The following FANCM variants were observed in gnomAD, a reference collection of about 807,000 sequenced individuals.
The protein encoded by FANCM is Fanconi anemia group M protein.
In FANCM, 140 loss-of-function variants were observed where a neutral mutation model predicts 199.5. The ratio of observed to expected loss-of-function variants is 0.70; its 90% confidence interval spans 0.61 to 0.81. The LOEUF (loss-of-function observed/expected upper bound fraction) is 0.81, where lower values mean the gene tolerates loss of function less well. Ranked by LOEUF, FANCM falls within the 30% of genes least tolerant of loss-of-function variation. The pLI is 0.00. For missense variants in FANCM, 2,410 were observed against 2,421.4 expected, an observed-to-expected ratio of 1.00 and a Z score of 0.10; for synonymous variants, 840 against 836.8, an observed-to-expected ratio of 1.00 and a Z score of -0.07.
intron 4 of FANCM, among the ~76,000 whole-genome samples, chr14:45,151,121 T>C (rs975846080): frequency 6.6e-6 from 1 of 152,124 alleles, no homozygotes; most frequent in Non-Finnish European, 1.5e-5. Context: ...TGTGTGTAGG[T>C]TGAGAGAGAG....
At chr14:45,154,599 C>CT (rs1887051714) in intron 6 of FANCM, 98 bp from the exon 7 acceptor site, 1 of 892,026 alleles carries the variant, frequency 1.1e-6, no homozygotes, top group Non-Finnish European at 1.7e-6. Context: ...ACTTGAAAAA[C>CT]TTACATTCAT....
intron 5 of FANCM, among the ~76,000 whole-genome samples, chr14:45,151,909 T>C (rs1359082878): frequency 1.5e-5 from 2 of 132,740 alleles, no homozygotes; most frequent in Non-Finnish European, 3.0e-5. Context: ...GTTAGACCTG[T>C]CTTAAAAAAA....
Position 45,175,871 on chromosome 14 carries a change from A to C in FANCM, c.3117A>C (p.Ser1039=). ...GTGATAAATGCACCTGTTTGCTGTC[A>C]CATTCAGCTGTGAATTCTCAACAGA... ...LRSDKCTCLL[S]HSAVNSQQNL... is the part of the protein sequence containing the mutation. The change falls in exon 14 of 23, where the codon TCA becomes TCC. Residue 1039 remains serine, a synonymous_variant. Transcript: ENST00000267430. 1 of 1,613,998 alleles carries C rather than the reference A, an allele frequency of 6.2e-7. No individual in the cohort carries two copies. The highest frequency in any genetic ancestry group is 1.1e-5 in the South Asian group (1 of 91,074).
Position 45,172,790 on chromosome 14 carries a change from C to A in FANCM, c.2161-265C>A, listed in dbSNP as rs374270274. On this transcript the variant is annotated intron_variant, in intron 12 of 22. Transcript: ENST00000267430. ...AAAAGATTTCTTTTAAAATATTTAA[C>A]TGTTTGCTCTTAACATGGAACTATA... 3.0e-4 allele frequency among the ~76,000 whole-genome samples: 46 copies of A among 152,256 alleles called. 1 individual carries two copies. The highest frequency in any genetic ancestry group is 2.5e-3 in the East Asian group (13 of 5,178).
At chr14:45,194,561 C>G (rs1408300721) in intron 20 of FANCM, among the ~76,000 whole-genome samples, 1 of 151,972 alleles carries the variant, frequency 6.6e-6, no homozygotes, top group Admixed American at 6.6e-5. Context: ...TAGTAATATA[C>G]AGATATATAT....
chr14:45,196,594 T>C (rs775672700), intron 21 of FANCM, 47 bp downstream of exon 21: 5 of 1,567,428 alleles, frequency 3.2e-6, no homozygotes, highest in South Asian at 1.1e-5. Flanking sequence ...AAAGGAACTT[T>C]ACGGTTAACT....
At chr14:45,178,849 A>T (rs1392456510) in intron 14 of FANCM, among the ~76,000 whole-genome samples, 1 of 152,180 alleles carries the variant, frequency 6.6e-6, no homozygotes, top group Non-Finnish European at 1.5e-5. Flanking sequence ...TCAGTAAAAT[A>T]AAATAAGCTT....
At chr14:45,149,940 C>G (rs1886699583) in intron 4 of FANCM, among the ~76,000 whole-genome samples, 1 of 152,080 alleles carries the variant, frequency 6.6e-6, no homozygotes, top group Non-Finnish European at 1.5e-5. Flanking sequence ...ACAGCAACCC[C>G]ACAACAAAGA....
At chr14:45,150,505 T>G (rs902863766) in intron 4 of FANCM, among the ~76,000 whole-genome samples, 4 of 152,204 alleles carry the variant, frequency 2.6e-5, no homozygotes, top group African/African-American at 9.7e-5. Context: ...ACTTACATAC[T>G]GCGGTAGTAG....
chr14:45,158,745 G>A (rs574161841), intron 8 of FANCM, among the ~76,000 whole-genome samples: 1 of 152,238 alleles, frequency 6.6e-6, no homozygotes, highest in South Asian at 2.1e-4. Flanking sequence ...TTTATTTTAT[G>A]ACAGCCAATG....
chr14:45,172,129 T>A (rs1888380252), intron 12 of FANCM, among the ~76,000 whole-genome samples: 1 of 152,198 alleles, frequency 6.6e-6, no homozygotes, highest in Admixed American at 6.5e-5. Flanking sequence ...GAACATTTTT[T>A]ATATGTTTAT....
At chr14:45,148,720 T>C (rs549941010) in intron 3 of FANCM, 117 bp from the exon 4 acceptor site, 7 of 677,330 alleles carry the variant, frequency 1.0e-5, no homozygotes, top group Non-Finnish European at 1.8e-5. Context: ...TGTTACTTAA[T>C]GATATAAATT....
chr14:45,146,654 C>A (rs909353108), intron 3 of FANCM, among the ~76,000 whole-genome samples: 11 of 151,550 alleles, frequency 7.3e-5, no homozygotes, highest in East Asian at 2.0e-4. Context: ...CATGGTGAAA[C>A]CCCGTCTCTA....
At chr14:45,155,137 C>T (rs1311907114) in intron 7 of FANCM, among the ~76,000 whole-genome samples, 1 of 151,928 alleles carries the variant, frequency 6.6e-6, no homozygotes, top group Non-Finnish European at 1.5e-5. Flanking sequence ...TGTATTTTTG[C>T]TTTCTTTGCT....
At position 45,198,565 on chromosome 14, in the gene FANCM, T is replaced by TGCC; in HGVS notation, c.5717-79_5717-78insGCC. On this transcript the variant is annotated intron_variant, in intron 21 of 22. Transcript: ENST00000267430. ...GCTCAATGGTGTAGATCTTGGGATTTTAATAAAATAAAGTATATTAATAAT... is the reference window on the plus strand; with the variant it reads ...GCTCAATGGTGTAGATCTTGGGATTTGCCTAATAAAATAAAGTATATTAATAAT... 4.8e-6 allele frequency: 4 copies of TGCC among 839,574 alleles called. No homozygotes were observed. The South Asian group carries it at 7.6e-5, about 16-fold the overall frequency. 52.0% of individuals were successfully genotyped at this position (839,574 alleles called of 1,614,324 possible). A position where few individuals can be genotyped will look rare whatever the true frequency, so the allele number is the denominator to read the frequency against.
chr14:45,161,501 G>A (rs533723935), intron 9 of FANCM, among the ~76,000 whole-genome samples: 11 of 152,136 alleles, frequency 7.2e-5, no homozygotes, highest in African/African-American at 1.9e-4. Flanking sequence ...AGAATCAGCC[G>A]GACACTGTGG....
rs1465506378 is a variant in FANCM at position 45,196,190 on chromosome 14, G to T, written c.5359G>T (p.Asp1787Tyr). 9 of 1,613,984 alleles carry T rather than the reference G, an allele frequency of 5.6e-6. No homozygotes were observed. Among genetic ancestry groups the T allele is most frequent in the African/African-American group, 1.3e-5 (1 of 74,920 alleles). Residue 1787 changes from aspartate (D) to tyrosine (Y), a missense_variant, in exon 21 of 23, where the codon GAT becomes TAT. Transcript: ENST00000267430. ...VPQKDGSALE[D>Y]SSTSGASCSK... ...TTTTCAGGATGGTAGTGCTTTGGAG[G>T]ATTCTAGCACTTCAGGGGCATCCTG... is the stretch of plus-strand genomic sequence containing the variant.
At chr14:45,184,441 C>T (rs1292373360) in intron 17 of FANCM, among the ~76,000 whole-genome samples, 1 of 152,078 alleles carries the variant, frequency 6.6e-6, no homozygotes, top group Non-Finnish European at 1.5e-5. Flanking sequence ...CCAGGTGGAT[C>T]ACCTGAGATC....
intron 3 of FANCM, among the ~76,000 whole-genome samples, chr14:45,147,147 A>G (rs1455650586): frequency 6.6e-6 from 1 of 152,122 alleles, no homozygotes; most frequent in Non-Finnish European, 1.5e-5. Context: ...TCACAAATGT[A>G]TTCTAGATTT....
Sources: gnomAD v4.1 joint callset for allele counts (sites outside exome capture counted in the v4.1 genomes callset) on GRCh38, gnomAD v4.1.1 for gene constraint, MANE v1.5 for transcripts, NCBI Gene and HGNC (gene_info 2026-07-23, HGNC 2026-07-21) for gene names.